The following CADM2 variants were observed in gnomAD, a reference collection of about 807,000 sequenced individuals.
CADM2 encodes immunoglobulin superfamily member 4D.
Under a neutral mutation model 49.8 loss-of-function variants are expected in CADM2, and 12 were observed. The observed-to-expected ratio is 0.24, with a 90% CI of 0.15 to 0.39. CADM2 has a LOEUF of 0.39. CADM2 is among the 10% of genes least tolerant of loss of function. The pLI, the probability that CADM2 is intolerant of heterozygous loss-of-function variation, is 1.00. For synonymous variants in CADM2, 214 were observed against 175.4 expected (o/e 1.22, Z -1.74); for missense variants, 378 against 492.3 (o/e 0.77, Z 2.20).
At chr3:85,729,930 GA>G (rs2067859784) in intron 2 of CADM2, among the ~76,000 whole-genome samples, 1 of 152,042 alleles carries the variant, frequency 6.6e-6, no homozygotes, top group African/African-American at 2.4e-5. Flanking sequence ...TTTAATATTA[GA>G]AACCGATATT....
chr3:85,276,581 C>G (rs966587885), intron 1 of CADM2, among the ~76,000 whole-genome samples: 1 of 151,120 alleles, frequency 6.6e-6, no homozygotes, highest in South Asian at 2.1e-4. Flanking sequence ...TTATAGTTCT[C>G]TGCTTTGAAC....
chr3:85,051,691 C>T (rs2107408216), intron 1 of CADM2, among the ~76,000 whole-genome samples: 1 of 152,278 alleles, frequency 6.6e-6, no homozygotes, highest in East Asian at 1.9e-4. Context: ...GCCCTCCATA[C>T]CTTTCCACAA....
chr3:84,960,361 T>A (rs2030370625), intron 1 of CADM2: 2 of 148,210 alleles, frequency 1.3e-5, no homozygotes, highest in African/African-American at 2.5e-5. Flanking sequence ...AAAGAAAAAA[T>A]GAGTGAATGA....
At chr3:85,573,270 A>G (rs929358709) in intron 1 of CADM2, among the ~76,000 whole-genome samples, 17 of 151,526 alleles carry the variant, frequency 1.1e-4, no homozygotes, top group African/African-American at 3.9e-4. Flanking sequence ...TTGGCTCACT[A>G]CAATCTCTGC....
intron 1 of CADM2, among the ~76,000 whole-genome samples, chr3:85,343,629 A>G (rs1296654851): frequency 6.6e-6 from 1 of 152,204 alleles, no homozygotes; most frequent in African/African-American, 2.4e-5. Context: ...TAGGAATTGT[A>G]GACTAAAAAG....
chr3:86,040,631 G>A lies in CADM2; in HGVS notation c.971-24974G>A, dbSNP rs181782866. On this transcript the variant is annotated intron_variant, in intron 8 of 9. Coordinates refer to ENST00000383699, the MANE Select transcript of CADM2 (RefSeq NM_001167675.2). The stretch of plus-strand genomic sequence containing the variant: ...TTTGTGTACCTGAAAGTGATGGGGA[G>A]AATGGAACAAAGTTGGAAAACACTC... 6.6e-5 allele frequency among the ~76,000 whole-genome samples: 10 copies of A among 152,310 alleles called. No individual in the cohort carries two copies. The East Asian group carries it at 1.9e-3, about 29-fold the overall frequency.
At chr3:85,675,992 T>C (rs576249401) in intron 1 of CADM2, among the ~76,000 whole-genome samples, 27 of 152,320 alleles carry the variant, frequency 1.8e-4, no homozygotes, top group Admixed American at 9.8e-4. Flanking sequence ...GAGACTGTCC[T>C]TTTTAAAAAC....
chr3:85,892,262 C>G (rs755549800), intron 5 of CADM2, among the ~76,000 whole-genome samples: 1 of 152,144 alleles, frequency 6.6e-6, no homozygotes, highest in Non-Finnish European at 1.5e-5. Flanking sequence ...GGAGTAAAAG[C>G]AAGCATTAAG....
intron 1 of CADM2, among the ~76,000 whole-genome samples, chr3:85,391,379 T>C (rs2034510327): frequency 1.3e-5 from 2 of 152,020 alleles, no homozygotes; most frequent in Non-Finnish European, 2.9e-5. Flanking sequence ...ATAAGATTTT[T>C]CAGTGGAAGA....
intron 8 of CADM2, among the ~76,000 whole-genome samples, chr3:85,996,948 T>C (rs1488228582): frequency 2.6e-5 from 4 of 152,166 alleles, no homozygotes; most frequent in African/African-American, 9.7e-5. Context: ...GTCTAGTAAC[T>C]TTCTCTTCTA....
chr3:85,849,051 G>A (rs955471899), intron 3 of CADM2, among the ~76,000 whole-genome samples: 2 of 152,124 alleles, frequency 1.3e-5, no homozygotes, highest in African/African-American at 4.8e-5. Context: ...AGATGAAAAG[G>A]AACTGTGGGA....
intron 1 of CADM2, among the ~76,000 whole-genome samples, chr3:85,449,148 A>G (rs12635068): frequency 0.014 from 2,052 of 150,910 alleles, 119 homozygotes; most frequent in South Asian, 0.1. Context: ...ATTTTTGTAT[A>G]TAAAGAGATA....
At chr3:85,796,572 C>T (rs116761037) in intron 2 of CADM2, among the ~76,000 whole-genome samples, 78 of 152,210 alleles carry the variant, frequency 5.1e-4, no homozygotes, top group Non-Finnish European at 8.5e-4. Flanking sequence ...GACAAAGCCT[C>T]TGATATCAGA....
intron 1 of CADM2, among the ~76,000 whole-genome samples, chr3:85,133,459 T>A (rs2039301539): frequency 6.6e-6 from 1 of 151,898 alleles, no homozygotes; most frequent in African/African-American, 2.4e-5. Context: ...CCCACCAGAG[T>A]AGCCAGATAC....
intron 8 of CADM2, among the ~76,000 whole-genome samples, chr3:85,999,631 GAGAA>G (rs60020500): frequency 0.012 from 1,826 of 149,036 alleles, 42 homozygotes; most frequent in African/African-American, 0.041. Context: ...AAGAAAGAAG[GAGAA>G]AGAAAGAAAG....
intron 8 of CADM2, chr3:86,015,243 T>C: frequency 4.3e-6 from 1 of 232,978 alleles, no homozygotes; most frequent in Non-Finnish European, 8.3e-6. Context: ...ACATTAGCCA[T>C]TGATAATGTA....
intron 1 of CADM2, among the ~76,000 whole-genome samples, chr3:85,136,604 T>C (rs868610778): frequency 4.6e-5 from 7 of 152,126 alleles, no homozygotes; most frequent in African/African-American, 1.7e-4. Flanking sequence ...CCTTAAAAAA[T>C]AAATTAGACC....
chr3:85,543,420 A>ATGTGTGTGGGGGGGGTGTGTGTGTGTGTG (rs372108050), intron 1 of CADM2, among the ~76,000 whole-genome samples: 3 of 129,584 alleles, frequency 2.3e-5, no homozygotes, highest in Non-Finnish European at 5.0e-5. Context: ...TGCCAAGCTA[A>ATGTGTGTGGGGGGGGTGTGTGTGTGTGTG]TGTGTGTGTG....
intron 1 of CADM2, among the ~76,000 whole-genome samples, chr3:85,660,215 G>A (rs746785639): frequency 7.2e-5 from 11 of 152,048 alleles, no homozygotes; most frequent in Admixed American, 3.9e-4. Context: ...ATTTGAGTTC[G>A]TTGAGGTCTT....
Sources: gnomAD v4.1 joint callset for allele counts (sites outside exome capture counted in the v4.1 genomes callset) on GRCh38, gnomAD v4.1.1 for gene constraint, MANE v1.5 for transcripts, NCBI Gene and HGNC (gene_info 2026-07-23, HGNC 2026-07-21) for gene names.